The following CNOT6L variants were observed in gnomAD, a reference collection of about 807,000 sequenced individuals.
CNOT6L encodes the protein CCR4-NOT transcription complex subunit 6-like.
A neutral mutation model predicts 64.0 loss-of-function variants in CNOT6L; 7 were observed. The observed-to-expected ratio is 0.11, with a 90% CI of 0.06 to 0.21. CNOT6L has a LOEUF of 0.21. Among genes scored for constraint, CNOT6L ranks in the 10% least tolerant of loss-of-function variants. The pLI, the probability that CNOT6L is intolerant of heterozygous loss-of-function variation, is 1.00. For missense variants in CNOT6L, 245 were observed against 669.0 expected, an observed-to-expected ratio of 0.37 and a Z score of 6.99; for synonymous variants, 193 against 243.4, an observed-to-expected ratio of 0.79 and a Z score of 1.93.
chr4:77,798,829 A>AG (rs960349455), intron 1 of CNOT6L, among the ~76,000 whole-genome samples: 3 of 150,704 alleles, frequency 2.0e-5, no homozygotes, highest in Non-Finnish European at 4.4e-5. Flanking sequence ...ATTAAAAAAA[A>AG]AAAATAGCCA....
chr4:77,762,664 G>A (rs1277521360), intron 4 of CNOT6L, among the ~76,000 whole-genome samples: 1 of 152,062 alleles, frequency 6.6e-6, no homozygotes, highest in Non-Finnish European at 1.5e-5. Context: ...TGTGCCACAG[G>A]TTTTATACAC....
At chr4:77,819,056 A>ACACACACACACACACACACC in intron 1 of CNOT6L, 1 of 674,848 alleles carries the variant, frequency 1.5e-6, no homozygotes, top group Admixed American at 2.1e-5. Context: ...CCCGACACAC[A>ACACACACACACACACACACC]CACACACACA....
At chr4:77,757,071 ATATT>A (rs908059662) in intron 4 of CNOT6L, 120 bp from the exon 5 acceptor site, 1 of 522,822 alleles carries the variant, frequency 1.9e-6, no homozygotes, top group African/African-American at 1.9e-5. Flanking sequence ...GAATTCTACT[ATATT>A]TAATCTATTA....
intron 5 of CNOT6L, among the ~76,000 whole-genome samples, chr4:77,755,303 C>G (rs1325232326): frequency 1.7e-5 from 2 of 120,668 alleles, no homozygotes; most frequent in Non-Finnish European, 3.2e-5. Flanking sequence ...TGCAGTGGCG[C>G]AATCTCGGGT....
chr4:77,714,309 C>T lies in CNOT6L; in HGVS notation c.*6122G>A, dbSNP rs1158271334. On this transcript the variant is annotated 3_prime_UTR_variant, in exon 12 of 12. Coordinates refer to ENST00000504123, the MANE Select transcript of CNOT6L (RefSeq NM_144571.3). ...AAATTGAGTGGAAAAGTAGATTGTC[C>T]CATGGACAATTAGTTGGCACTTGTT... is the stretch of plus-strand genomic sequence containing the variant. 4 of 152,064 alleles carry T rather than the reference C, an allele frequency of 2.6e-5. No homozygotes were observed. The highest frequency in any genetic ancestry group is 1.3e-4 in the Admixed American group (2 of 15,196). 9.4% of individuals were successfully genotyped at this position (152,064 alleles called of 1,614,324 possible).
chr4:77,728,737 A>T, intron 10 of CNOT6L, 117 bp downstream of exon 10: 1 of 757,288 alleles, frequency 1.3e-6, no homozygotes, highest in Non-Finnish European at 2.3e-6. Flanking sequence ...TGTCCCATCC[A>T]TGGAATTCTT....
At chr4:77,779,820 C>T (rs1198468577) in intron 1 of CNOT6L, among the ~76,000 whole-genome samples, 8 of 152,100 alleles carry the variant, frequency 5.3e-5, no homozygotes, top group East Asian at 1.9e-4. Flanking sequence ...AAAAATTAGC[C>T]GGGTGTGGTC....
chr4:77,735,632 T>C (rs538639153), intron 8 of CNOT6L, among the ~76,000 whole-genome samples: 1 of 152,304 alleles, frequency 6.6e-6, no homozygotes, highest in East Asian at 1.9e-4. Flanking sequence ...CATTCTCCTC[T>C]TTACCTGGTC....
chr4:77,731,705 G>C, intron 8 of CNOT6L, 167 bp from the exon 9 acceptor site: 1 of 492,904 alleles, frequency 2.0e-6, no homozygotes, highest in Non-Finnish European at 3.5e-6. Flanking sequence ...ATTGTAAAAA[G>C]TTTCTCAGAG....
intron 1 of CNOT6L, among the ~76,000 whole-genome samples, chr4:77,803,326 G>A (rs527270325): frequency 2.1e-3 from 313 of 152,222 alleles, no homozygotes; most frequent in Non-Finnish European, 3.8e-3. Context: ...ATATGAGTTT[G>A]AGAAAATAAG....
intron 4 of CNOT6L, among the ~76,000 whole-genome samples, chr4:77,769,136 A>G (rs1727246921): frequency 6.6e-6 from 1 of 152,226 alleles, no homozygotes; most frequent in Non-Finnish European, 1.5e-5. Flanking sequence ...TGAATCATAA[A>G]AACATAAGGC....
chr4:77,804,778 T>C (rs1217810092), intron 1 of CNOT6L, among the ~76,000 whole-genome samples: 2 of 152,124 alleles, frequency 1.3e-5, no homozygotes, highest in Admixed American at 6.6e-5. Flanking sequence ...TCAACTTTCA[T>C]CCTACAATTT....
Position 77,762,551 on chromosome 4 carries a change from TCAAAA to T in CNOT6L, c.401-5605_401-5601del, listed in dbSNP as rs373215999. Reference sequence around the variant, plus strand: ...CCTTGTGCCGTATATAAAAATTAACTCAAAACAAACCATCAACCTAAAGGTAAAAT... The same window carrying T: ...CCTTGTGCCGTATATAAAAATTAACTCAAACCATCAACCTAAAGGTAAAAT... On this transcript the variant is annotated intron_variant, in intron 4 of 11. Coordinates refer to ENST00000504123, the MANE Select transcript of CNOT6L (RefSeq NM_144571.3). Among the ~76,000 whole-genome samples the T allele has an allele frequency of 4.7e-4, 72 of 152,208 alleles. 1 individual carries two copies. In the East Asian group the frequency reaches 0.011, roughly 23 times the overall value.
intron 1 of CNOT6L, among the ~76,000 whole-genome samples, chr4:77,817,090 T>C (rs1022145566): frequency 6.6e-6 from 1 of 152,198 alleles, no homozygotes; most frequent in Non-Finnish European, 1.5e-5. Context: ...TTTTGGTTCC[T>C]TGATCCTTTT....
chr4:77,788,075 A>C (rs1346992649), intron 1 of CNOT6L, among the ~76,000 whole-genome samples: 2 of 152,210 alleles, frequency 1.3e-5, no homozygotes, highest in Admixed American at 6.5e-5. Flanking sequence ...TATTAGTGGG[A>C]AATCTACATT....
intron 4 of CNOT6L, among the ~76,000 whole-genome samples, chr4:77,761,782 C>T (rs966689429): frequency 6.6e-6 from 1 of 151,710 alleles, no homozygotes; most frequent in South Asian, 2.1e-4. Flanking sequence ...TGTGATAAAG[C>T]AAGAAAAAGG....
chr4:77,743,069 A>G (rs1182827091), intron 7 of CNOT6L, among the ~76,000 whole-genome samples: 2 of 152,184 alleles, frequency 1.3e-5, no homozygotes, highest in Non-Finnish European at 2.9e-5. Context: ...AGTACAATAA[A>G]TAAGAATCAA....
intron 10 of CNOT6L, among the ~76,000 whole-genome samples, chr4:77,726,575 G>A (rs1455575687): frequency 6.6e-6 from 1 of 152,156 alleles, no homozygotes; most frequent in Admixed American, 6.5e-5. Flanking sequence ...ATCAAAGGAT[G>A]TTTGCCTATT....
chr4:77,760,610 A>G (rs76132606), intron 4 of CNOT6L, among the ~76,000 whole-genome samples: 1,594 of 152,018 alleles, frequency 0.01, 33 homozygotes, highest in African/African-American at 0.036. Flanking sequence ...AGCGTGGCAC[A>G]GTTTGAAAAA....
Sources: allele counts gnomAD v4.1 joint callset (sites outside exome capture counted in the v4.1 genomes callset), GRCh38; gene constraint gnomAD v4.1.1; transcripts MANE v1.5; gene names NCBI Gene and HGNC (gene_info 2026-07-23, HGNC 2026-07-21).